Variants in KSR1 observed in about 807,000 individuals in gnomAD.
KSR1 encodes the protein kinase suppressor of ras 1, also known as kinase suppressor of ras.
KSR1 carries 35 observed loss-of-function variants against 92.9 expected under a neutral mutation model. The ratio of observed to expected loss-of-function variants is 0.38; its 90% CI spans 0.29 to 0.50. KSR1 has a LOEUF of 0.50. Ranked by LOEUF, KSR1 falls within the 20% of genes least tolerant of loss-of-function variation. The pLI is 0.94. For synonymous variants in KSR1, 467 were observed against 472.6 expected, an observed-to-expected ratio of 0.99 and a Z score of 0.15; for missense variants, 972 against 1,158.5, an observed-to-expected ratio of 0.84 and a Z score of 2.34.
chr17:27,588,355 G>C, intron 5 of KSR1, 120 bp from the exon 6 acceptor site: 1 of 767,994 alleles, frequency 1.3e-6, no homozygotes, highest in African/African-American at 1.8e-5. Context: ...TCAGGGAGAT[G>C]CTTATATAAT....
At chr17:27,571,523 C>A (rs1195052330) in intron 2 of KSR1, among the ~76,000 whole-genome samples, 1 of 152,216 alleles carries the variant, frequency 6.6e-6, no homozygotes, top group East Asian at 1.9e-4. Flanking sequence ...TGTGCAGGGT[C>A]CTATGTCACC....
chr17:27,567,247 G>A (rs74693121), intron 2 of KSR1, among the ~76,000 whole-genome samples: 250 of 152,296 alleles, frequency 1.6e-3, no homozygotes, highest in Non-Finnish European at 3.0e-3. Flanking sequence ...GGGCGTTAGG[G>A]TGTCGCTGGT....
rs544665106 is a variant in KSR1 at position 27,527,674 on chromosome 17, C to T, written c.232-22894C>T. Reference sequence around the variant, plus strand: ...CCTCGCAAAGTGCTGGGATTACAGGCGTGAGCCATGCCCGGCCTGACTTCT... The same window carrying T: ...CCTCGCAAAGTGCTGGGATTACAGGTGTGAGCCATGCCCGGCCTGACTTCT... On this transcript the variant is annotated intron_variant, in intron 1 of 20. Transcript: ENST00000644974. Among the ~76,000 whole-genome samples the T allele has an allele frequency of 1.4e-4, 22 of 152,190 alleles. No homozygotes were observed. In the South Asian group the frequency reaches 4.4e-3, roughly 30 times the overall value.
chr17:27,613,451 C>G (rs555353021), intron 18 of KSR1, among the ~76,000 whole-genome samples: 23 of 152,376 alleles, frequency 1.5e-4, no homozygotes, highest in Admixed American at 4.6e-4. Context: ...AGGCTCCCAT[C>G]TCACAGATTG....
At chr17:27,605,927 G>A (rs1404897779) in intron 14 of KSR1, 114 bp downstream of exon 14, 14 of 1,351,636 alleles carry the variant, frequency 1.0e-5, no homozygotes, top group Admixed American at 8.0e-5. Flanking sequence ...GAGGCATAAA[G>A]AAGAAAACCA....
intron 1 of KSR1, among the ~76,000 whole-genome samples, chr17:27,520,204 T>A (rs1888940130): frequency 6.6e-6 from 1 of 152,204 alleles, no homozygotes; most frequent in African/African-American, 2.4e-5. Context: ...ATGTAGCAAA[T>A]GGAGTTTAAC....
At chr17:27,524,656 A>G (rs2151027211) in intron 1 of KSR1, among the ~76,000 whole-genome samples, 1 of 152,366 alleles carries the variant, frequency 6.6e-6, no homozygotes, top group Admixed American at 6.5e-5. Flanking sequence ...AGAGCAAGGA[A>G]TTAGATAGAA....
At chr17:27,523,576 G>A (rs2070130124) in intron 1 of KSR1, among the ~76,000 whole-genome samples, 1 of 152,178 alleles carries the variant, frequency 6.6e-6, no homozygotes, top group Non-Finnish European at 1.5e-5. Context: ...TGACCAGTTT[G>A]GAGGGGATAT....
chr17:27,609,177 C>T lies in KSR1; in HGVS notation c.2092-19C>T. 6.2e-7 allele frequency: 1 copy of T among 1,610,296 alleles called. No individual in the cohort carries two copies. Among genetic ancestry groups the T allele is most frequent in the East Asian group, 2.2e-5 (1 of 44,788 alleles). ...CCGTCATCGTTGCACATCTTCACTCCTCCTGATGTGTCCTCCAGGGCATGG... is the reference window on the plus strand; with the variant it reads ...CCGTCATCGTTGCACATCTTCACTCTTCCTGATGTGTCCTCCAGGGCATGG... On this transcript the variant is annotated intron_variant, in intron 15 of 20. Coordinates refer to ENST00000644974, the MANE Select transcript of KSR1 (RefSeq NM_001394583.1).
intron 4 of KSR1, chr17:27,584,085 T>TACCCTTGGCAGCAC: frequency 1.7e-6 from 1 of 592,216 alleles, no homozygotes; most frequent in Non-Finnish European, 2.1e-6. Context: ...CTTGTCAGTA[T>TACCCTTGGCAGCAC]ACCCTTGGCA....
chr17:27,587,249 C>A, intron 5 of KSR1: 1 of 152,468 alleles, frequency 6.6e-6, no homozygotes. Flanking sequence ...AAGTCAACCT[C>A]ATGGCAGATG....
chr17:27,573,987 AG>A (rs2072408282), intron 2 of KSR1, among the ~76,000 whole-genome samples: 1 of 152,230 alleles, frequency 6.6e-6, no homozygotes, highest in African/African-American at 2.4e-5. Context: ...CATTATAGTT[AG>A]GTTGAAGATT....
intron 1 of KSR1, among the ~76,000 whole-genome samples, chr17:27,466,342 T>A (rs1746475633): frequency 6.6e-6 from 1 of 152,220 alleles, no homozygotes; most frequent in African/African-American, 2.4e-5. Context: ...ATTGCCTTTT[T>A]TACAAAGGGA....
chr17:27,585,475 A>G (rs2072930668), intron 4 of KSR1, among the ~76,000 whole-genome samples, 182 bp from the exon 5 acceptor site: 1 of 152,060 alleles, frequency 6.6e-6, no homozygotes, highest in Non-Finnish European at 1.5e-5. Context: ...CTTTCCATTG[A>G]GGAAATGTCC....
At chr17:27,481,492 A>G (rs1240816009) in intron 1 of KSR1, among the ~76,000 whole-genome samples, 1 of 152,246 alleles carries the variant, frequency 6.6e-6, no homozygotes, top group African/African-American at 2.4e-5. Flanking sequence ...CACCTTGTAC[A>G]TAAGATACAC....
chr17:27,472,538 G>A (rs970851979), intron 1 of KSR1, among the ~76,000 whole-genome samples: 1 of 152,224 alleles, frequency 6.6e-6, no homozygotes, highest in Admixed American at 6.5e-5. Context: ...GCTGGGCCCC[G>A]TGGCTCATGC....
Position 27,501,905 on chromosome 17 carries a change from C to T in KSR1, c.231+45031C>T, listed in dbSNP as rs374248134. Among the ~76,000 whole-genome samples, 10 of 152,354 alleles carry T rather than the reference C, an allele frequency of 6.6e-5. No individual in the cohort carries two copies. The East Asian group carries it at 1.3e-3, about 21-fold the overall frequency. ...CTTGATGGAGATTTAGGAAACATTT[C>T]GAGGTAAAGGAATTGAGGGTCAGGT... On this transcript the variant is annotated intron_variant, in intron 1 of 20. Transcript: ENST00000644974.
intron 1 of KSR1, among the ~76,000 whole-genome samples, chr17:27,538,102 T>C (rs2070817501): frequency 6.6e-6 from 1 of 152,236 alleles, no homozygotes; most frequent in African/African-American, 2.4e-5. Flanking sequence ...ATACCTTCTT[T>C]TTGCTGTTGT....
intron 1 of KSR1, among the ~76,000 whole-genome samples, chr17:27,486,434 T>C (rs1208560495): frequency 6.6e-6 from 1 of 152,186 alleles, no homozygotes; most frequent in African/African-American, 2.4e-5. Context: ...GGCCAGTATG[T>C]GGAACTCCCT....
Sources: allele counts gnomAD v4.1 joint callset (sites outside exome capture counted in the v4.1 genomes callset), GRCh38; gene constraint gnomAD v4.1.1; transcripts MANE v1.5; gene names NCBI Gene and HGNC (gene_info 2026-07-23, HGNC 2026-07-21).